NKAIN3: variants seen among roughly 807,000 people sequenced by gnomAD.
The protein encoded by NKAIN3 is sodium/potassium transporting ATPase interacting 3, also known as sodium/potassium-transporting ATPase subunit beta-1-interacting protein 3.
A neutral mutation model predicts 30.2 loss-of-function variants in NKAIN3; 25 were observed. The observed-to-expected ratio is 0.83, with a 90% CI of 0.60 to 1.16. The LOEUF is 1.16. Among genes scored for constraint, NKAIN3 ranks in the 50% most tolerant of loss-of-function variants. The probability of loss-of-function intolerance (pLI) is 0.00; values close to 1 mark genes in which losing one functional copy is unlikely to be tolerated. For missense variants in NKAIN3, 225 were observed against 254.1 expected, an observed-to-expected ratio of 0.89 and a Z score of 0.78; for synonymous variants, 91 against 89.6, an observed-to-expected ratio of 1.02 and a Z score of -0.09.
intron 5 of NKAIN3, among the ~76,000 whole-genome samples, chr8:62,945,678 G>T (rs184079737): frequency 2.6e-4 from 40 of 152,262 alleles, no homozygotes; most frequent in Non-Finnish European, 5.1e-4. Context: ...CCATTTAGGA[G>T]GTCTTACATT....
At chr8:62,556,642 G>A (rs1809400118) in intron 1 of NKAIN3, among the ~76,000 whole-genome samples, 1 of 151,704 alleles carries the variant, frequency 6.6e-6, no homozygotes, top group Non-Finnish European at 1.5e-5. Context: ...GCAAAGCAAG[G>A]TGATATAGCT....
At chr8:62,261,162 T>A (rs370980028) in intron 1 of NKAIN3, among the ~76,000 whole-genome samples, 1 of 152,360 alleles carries the variant, frequency 6.6e-6, no homozygotes, top group East Asian at 1.9e-4. Flanking sequence ...TTAATGTAAC[T>A]AATTAATGCA....
intron 3 of NKAIN3, among the ~76,000 whole-genome samples, chr8:62,716,374 A>G (rs1586122355): frequency 1.3e-5 from 2 of 152,318 alleles, no homozygotes; most frequent in East Asian, 1.9e-4. Flanking sequence ...AGTGAAGGAT[A>G]GGGGTTAATT....
intron 1 of NKAIN3, among the ~76,000 whole-genome samples, chr8:62,560,208 T>G (rs1395712482): frequency 1.3e-5 from 2 of 152,194 alleles, no homozygotes; most frequent in Non-Finnish European, 2.9e-5. Context: ...TGTGTTTAAA[T>G]TTCTGAAGTT....
At chr8:62,252,971 C>A (rs1022682748) in intron 1 of NKAIN3, among the ~76,000 whole-genome samples, 1 of 152,176 alleles carries the variant, frequency 6.6e-6, no homozygotes, top group Non-Finnish European at 1.5e-5. Flanking sequence ...CAGTGAAGCA[C>A]TGAACTAATT....
chr8:62,382,247 A>G (rs896528196), intron 1 of NKAIN3, among the ~76,000 whole-genome samples: 31 of 152,316 alleles, frequency 2.0e-4, no homozygotes, highest in Admixed American at 1.4e-3. Flanking sequence ...AGAAAACAAA[A>G]TGTTATTAAG....
intron 1 of NKAIN3, among the ~76,000 whole-genome samples, chr8:62,360,052 C>T (rs975368615): frequency 2.0e-5 from 3 of 152,212 alleles, no homozygotes; most frequent in Non-Finnish European, 4.4e-5. Context: ...ATAAGACAGT[C>T]TCTCTCCAAA....
intron 1 of NKAIN3, among the ~76,000 whole-genome samples, chr8:62,349,741 A>C (rs542735098): frequency 6.6e-6 from 1 of 152,276 alleles, no homozygotes; most frequent in African/African-American, 2.4e-5. Flanking sequence ...AAGGGAAAGT[A>C]GCCTCTCAGG....
At chr8:62,514,603 G>C (rs566170016) in intron 1 of NKAIN3, among the ~76,000 whole-genome samples, 4 of 152,246 alleles carry the variant, frequency 2.6e-5, no homozygotes, top group Admixed American at 2.0e-4. Flanking sequence ...GCTGATAGTA[G>C]TTCAATCAGA....
At chr8:62,880,732 GA>G (rs1211327452) in intron 4 of NKAIN3, among the ~76,000 whole-genome samples, 1 of 152,168 alleles carries the variant, frequency 6.6e-6, no homozygotes, top group African/African-American at 2.4e-5. Flanking sequence ...GGGGACTCCA[GA>G]TAGAAGATTC....
chr8:62,656,268 G>A (rs888302538), intron 3 of NKAIN3, among the ~76,000 whole-genome samples: 2 of 152,098 alleles, frequency 1.3e-5, no homozygotes, highest in Admixed American at 1.3e-4. Context: ...TTGAAAATCA[G>A]GACATAGATT....
intron 5 of NKAIN3, among the ~76,000 whole-genome samples, chr8:62,933,866 A>G (rs1313457942): frequency 6.6e-6 from 1 of 152,194 alleles, no homozygotes. Context: ...ACTGACACAA[A>G]GGCCTCAGCC....
At chr8:62,893,368 T>C (rs529052186) in intron 4 of NKAIN3, among the ~76,000 whole-genome samples, 1 of 152,308 alleles carries the variant, frequency 6.6e-6, no homozygotes, top group African/African-American at 2.4e-5. Context: ...AGGTCCAATT[T>C]TTCCTCTAAT....
intron 1 of NKAIN3, among the ~76,000 whole-genome samples, chr8:62,366,109 G>C (rs906944874): frequency 6.6e-6 from 1 of 151,318 alleles, no homozygotes; most frequent in East Asian, 1.9e-4. Flanking sequence ...CTTTCTATCT[G>C]TTCCTAATTT....
chr8:62,576,565 C>G (rs1810115608), intron 1 of NKAIN3, among the ~76,000 whole-genome samples: 1 of 152,102 alleles, frequency 6.6e-6, no homozygotes, highest in South Asian at 2.1e-4. Context: ...CCACTGTTTT[C>G]TAGGTGCCAT....
At chr8:62,526,671 A>G (rs1258860229) in intron 1 of NKAIN3, among the ~76,000 whole-genome samples, 1 of 152,146 alleles carries the variant, frequency 6.6e-6, no homozygotes. Context: ...GTGTAAATAC[A>G]GAATTACAGA....
At chr8:62,412,027 G>A (rs758685572) in intron 1 of NKAIN3, among the ~76,000 whole-genome samples, 13 of 151,956 alleles carry the variant, frequency 8.6e-5, no homozygotes, top group Non-Finnish European at 1.2e-4. Context: ...AACTACCAAA[G>A]TCATTCTTCG....
At position 62,972,222 on chromosome 8, in the gene NKAIN3, C is replaced by A. The variant is rs150036789; in HGVS notation, c.*6815C>A. Among the ~76,000 whole-genome samples the A allele has an allele frequency of 6.3e-3, 953 of 152,178 alleles. 11 individuals carry two copies. The highest frequency in any genetic ancestry group is 0.022 in the African/African-American group (910 of 41,524). On this transcript the variant is annotated 3_prime_UTR_variant, in exon 7 of 7. Transcript: ENST00000623646. ...AGTATATGATCTTTTCTCTTATTTT[C>A]TCTCAGTATAAGTTGGACCTGTTTT... is the stretch of plus-strand genomic sequence containing the variant.
chr8:62,840,920 T>C (rs1331107490), intron 4 of NKAIN3, among the ~76,000 whole-genome samples: 1 of 152,132 alleles, frequency 6.6e-6, no homozygotes, highest in Non-Finnish European at 1.5e-5. Flanking sequence ...AGGAGTATGC[T>C]TGCTTTTTGC....
Sources: gnomAD v4.1 joint callset for allele counts (sites outside exome capture counted in the v4.1 genomes callset) on GRCh38, gnomAD v4.1.1 for gene constraint, MANE v1.5 for transcripts, NCBI Gene and HGNC (gene_info 2026-07-23, HGNC 2026-07-21) for gene names.